Variants in KCNT2 observed in about 807,000 individuals in gnomAD.
KCNT2 encodes the protein potassium channel subfamily T member 2.
Under a neutral mutation model 153.8 loss-of-function variants are expected in KCNT2, and 67 were observed. That is an observed-to-expected ratio of 0.44 (90% confidence interval 0.36 to 0.53). The LOEUF (loss-of-function observed/expected upper bound fraction) is 0.53. KCNT2 is among the 20% of genes least tolerant of loss of function. The pLI, the probability that KCNT2 is intolerant of heterozygous loss-of-function variation, is 0.00. For synonymous variants in KCNT2, 500 were observed against 458.8 expected, an observed-to-expected ratio of 1.09 and a Z score of -1.15; for missense variants, 975 against 1,354.8, an observed-to-expected ratio of 0.72 and a Z score of 4.40.
intron 24 of KCNT2, 137 bp downstream of exon 24, chr1:196,282,136 T>C (rs1253950581): frequency 2.1e-6 from 1 of 477,796 alleles, no homozygotes; most frequent in Non-Finnish European, 3.8e-6. Context: ...TTTAAAGGAA[T>C]TTTAAAAACT....
Position 196,570,067 on chromosome 1 carries a change from T to TAAAAAAA in KCNT2, c.95+38141_95+38147dup, listed in dbSNP as rs199836975. 2.5e-3 allele frequency among the ~76,000 whole-genome samples: 328 copies of TAAAAAAA among 133,628 alleles called. 15 individuals are homozygous for TAAAAAAA. The highest frequency in any genetic ancestry group is 0.011 in the African/African-American group (304 of 27,460). The allele number at this position is 133,628 out of a possible 152,430, so 87.7% of individuals were successfully genotyped here. The stretch of plus-strand genomic sequence containing the variant: ...TGAGTCCAGGAAGCTTGAGCTAGAG[T>TAAAAAAA]AAAAAAAAAAAAAAAAAAAAAAAAA... On this transcript the variant is annotated intron_variant, in intron 1 of 27. Transcript: ENST00000294725.
chr1:196,367,031 T>C (rs1023218886), intron 14 of KCNT2, among the ~76,000 whole-genome samples: 1 of 152,312 alleles, frequency 6.6e-6, no homozygotes, highest in East Asian at 1.9e-4. Flanking sequence ...CTATGCCACA[T>C]TTCCTTCCTG....
chr1:196,396,401 C>T lies in KCNT2; in HGVS notation c.1294+2162G>A, dbSNP rs1024741832. ...GGTAAAAAGCTGCAAAATCACACGGCAACAGGGCACAGATATATACAGCAT... is the reference window on the plus strand; with the variant it reads ...GGTAAAAAGCTGCAAAATCACACGGTAACAGGGCACAGATATATACAGCAT... On this transcript the variant is annotated intron_variant, in intron 13 of 27. Coordinates refer to ENST00000294725, the MANE Select transcript of KCNT2 (RefSeq NM_198503.5). Among the ~76,000 whole-genome samples the T allele has an allele frequency of 1.6e-4, 25 of 151,536 alleles. No individual in the cohort carries two copies. In the Admixed American group the frequency reaches 1.7e-3, roughly 10 times the overall value.
intron 26 of KCNT2, 109 bp from the exon 27 acceptor site, chr1:196,236,179 A>G (rs1654419734): frequency 1.4e-6 from 1 of 698,684 alleles, no homozygotes; most frequent in Admixed American, 2.1e-5. Flanking sequence ...AGAACTTGGT[A>G]TAGTTTTGTC....
In KCNT2 at chr1:196,367,522, T is replaced by C. The variant is rs143674260; in HGVS notation, c.1403+5618A>G. On this transcript the variant is annotated intron_variant, in intron 14 of 27. Transcript: ENST00000294725. ...GTTTGTATGTAAATATATGTGTAGATGTATATGTACTTTATAAATATTTAC... is the reference window on the plus strand; with the variant it reads ...GTTTGTATGTAAATATATGTGTAGACGTATATGTACTTTATAAATATTTAC... Among the ~76,000 whole-genome samples the C allele has an allele frequency of 3.8e-3, 575 of 152,320 alleles. 2 individuals carry two copies. Among genetic ancestry groups the C allele is most frequent in the African/African-American group, 0.013 (543 of 41,588 alleles).
rs767130146 is a variant in KCNT2, at chr1:196,282,373, C to G, written c.2698-17G>C. 3.0e-6 allele frequency: 4 copies of G among 1,316,432 alleles called. No individual in the cohort carries two copies. In the African/African-American group the frequency reaches 5.9e-5, roughly 19 times the overall value. The allele number at this position is 1,316,432 out of a possible 1,614,324, so 81.5% of individuals were successfully genotyped here. A position where few individuals can be genotyped will look rare whatever the true frequency, so the allele number is the denominator to read the frequency against. Reference sequence around the variant, plus strand: ...CACAAATGACTGCAATATAAACAAACAAACAATATATAAATGTATATTTAT... The same window carrying G: ...CACAAATGACTGCAATATAAACAAAGAAACAATATATAAATGTATATTTAT... On this transcript the variant is annotated splice_polypyrimidine_tract_variant and intron_variant, in intron 23 of 27. Coordinates refer to ENST00000294725, the MANE Select transcript of KCNT2 (RefSeq NM_198503.5).
chr1:196,542,339 G>A (rs1488827874), intron 1 of KCNT2, among the ~76,000 whole-genome samples: 2 of 152,040 alleles, frequency 1.3e-5, no homozygotes, highest in Non-Finnish European at 2.9e-5. Flanking sequence ...CAAGAATATG[G>A]GGCAACCTGG....
intron 8 of KCNT2, among the ~76,000 whole-genome samples, chr1:196,433,086 C>T (rs1674305387): frequency 6.6e-6 from 1 of 152,044 alleles, no homozygotes; most frequent in South Asian, 2.1e-4. Flanking sequence ...GCTGTTTTTG[C>T]CCTTCTGCCT....
chr1:196,489,071 A>G (rs918293447), intron 3 of KCNT2, among the ~76,000 whole-genome samples: 2 of 151,956 alleles, frequency 1.3e-5, no homozygotes, highest in African/African-American at 2.4e-5. Flanking sequence ...GGTTGTGAGG[A>G]GCAGGAAACT....
chr1:196,306,988 G>C (rs541617802), intron 21 of KCNT2, among the ~76,000 whole-genome samples: 16 of 152,058 alleles, frequency 1.1e-4, no homozygotes, highest in African/African-American at 3.9e-4. Context: ...TGTAGTTATT[G>C]ATTCAGGTAA....
At chr1:196,255,519 A>G (rs552945363) in intron 26 of KCNT2, among the ~76,000 whole-genome samples, 35 of 151,980 alleles carry the variant, frequency 2.3e-4, no homozygotes, top group South Asian at 1.9e-3. Context: ...GATGTGTTTG[A>G]GAACTAAATT....
At chr1:196,599,377 T>G (rs1365493456) in intron 1 of KCNT2, among the ~76,000 whole-genome samples, 1 of 152,246 alleles carries the variant, frequency 6.6e-6, no homozygotes, top group Non-Finnish European at 1.5e-5. Flanking sequence ...ATCATTATGA[T>G]TCTGTGTAAG....
At chr1:196,298,141 A>G (rs1004050825) in intron 22 of KCNT2, among the ~76,000 whole-genome samples, 3 of 152,222 alleles carry the variant, frequency 2.0e-5, no homozygotes, top group African/African-American at 7.2e-5. Flanking sequence ...TAACTTATAG[A>G]CATGACTGTT....
intron 27 of KCNT2, among the ~76,000 whole-genome samples, chr1:196,231,010 T>G (rs1393452909): frequency 2.0e-5 from 3 of 151,840 alleles, no homozygotes; most frequent in Non-Finnish European, 4.4e-5. Context: ...CAATGCAGCA[T>G]ACTACTTCAT....
In KCNT2 at chr1:196,319,549, A is replaced by C. The variant is rs927345179; in HGVS notation, c.2283T>G (p.Asp761Glu). The C allele has an allele frequency of 6.2e-7, 1 of 1,606,666 alleles. No homozygotes were observed. The highest frequency in any genetic ancestry group is 8.5e-7 in the Non-Finnish European group (1 of 1,174,338). Residue 761 changes from aspartate to glutamate, a missense_variant, in exon 20 of 28, where the codon GAT becomes GAG. This residue lies in a region of KCNT2 where 325 missense variants were observed against 388.1 expected (regional missense o/e 0.84). Coordinates refer to ENST00000294725, the MANE Select transcript of KCNT2 (RefSeq NM_198503.5). ...AACAGATTGCATCCAGAAAATGCAT[A>C]TCTGGCCTAAGTAGTAGATGGGTTA... ...PIVLLLDNPP[D>E]MHFLDAICWF...
At chr1:196,300,678 A>G (rs918147712) in intron 22 of KCNT2, among the ~76,000 whole-genome samples, 6 of 152,180 alleles carry the variant, frequency 3.9e-5, no homozygotes, top group Non-Finnish European at 5.9e-5. Flanking sequence ...GCCTAGGCAT[A>G]CAAATACACA....
In KCNT2 at chr1:196,281,856, A is replaced by G. The variant is rs528800590; in HGVS notation, c.2781+417T>C. 2.0e-5 allele frequency among the ~76,000 whole-genome samples: 3 copies of G among 151,100 alleles called. No homozygotes were observed. In the East Asian group the frequency reaches 5.9e-4, roughly 30 times the overall value. On this transcript the variant is annotated intron_variant, in intron 24 of 27. Transcript: ENST00000294725. ...ACTGCAAGCTCTGCCCCCTGGGTTC[A>G]CGCCATTCTCAGCCTCCCGAGTAGC...
intron 1 of KCNT2, among the ~76,000 whole-genome samples, chr1:196,587,316 C>T (rs1342414396): frequency 2.4e-4 from 37 of 151,984 alleles, no homozygotes; most frequent in Non-Finnish European, 1.5e-5. Flanking sequence ...CAGATGAGAG[C>T]ACTGACAACT....
intron 26 of KCNT2, chr1:196,257,975 G>A: frequency 7.5e-7 from 1 of 1,325,920 alleles, no homozygotes; most frequent in Non-Finnish European, 9.7e-7. Context: ...AATGGGTTTA[G>A]CACAGTACCT....
Sources: gnomAD v4.1 joint callset for allele counts (sites outside exome capture counted in the v4.1 genomes callset) on GRCh38, gnomAD v4.1.1 for gene constraint, gnomAD v4.1.1 regional missense constraint, MANE v1.5 for transcripts, NCBI Gene and HGNC (gene_info 2026-07-23, HGNC 2026-07-21) for gene names.